Variants in ENOX1 observed in about 807,000 individuals in gnomAD.
ENOX1 encodes ecto-NOX disulfide-thiol exchanger 1.
Under a neutral mutation model 82.5 loss-of-function variants are expected in ENOX1, and 42 were observed. The observed-to-expected ratio is 0.51, with a 90% CI of 0.40 to 0.66. ENOX1 has a LOEUF of 0.66. ENOX1 is among the 30% of genes least tolerant of loss of function. The probability of loss-of-function intolerance (pLI) is 0.00; values close to 1 mark genes in which losing one functional copy is unlikely to be tolerated. For synonymous variants in ENOX1, 271 were observed against 282.2 expected, an observed-to-expected ratio of 0.96 and a Z score of 0.40; for missense variants, 608 against 811.6, an observed-to-expected ratio of 0.75 and a Z score of 3.05.
chr13:43,750,944 T>C lies in ENOX1; in HGVS notation c.-285+35708A>G, dbSNP rs191484310. 6.3e-3 allele frequency among the ~76,000 whole-genome samples: 962 copies of C among 152,346 alleles called. 12 individuals are homozygous for C. The highest frequency in any genetic ancestry group is 0.022 in the African/African-American group (911 of 41,588). On this transcript the variant is annotated intron_variant, in intron 1 of 16. Transcript: ENST00000690772. ...ATCTTCCTGGAACACAAACGTGGCCTGTTACTCCTCAGATTAGACACCTTC... is the reference window on the plus strand; with the variant it reads ...ATCTTCCTGGAACACAAACGTGGCCCGTTACTCCTCAGATTAGACACCTTC...
At chr13:43,431,876 CA>C (rs2055691023) in intron 3 of ENOX1, among the ~76,000 whole-genome samples, 1 of 152,166 alleles carries the variant, frequency 6.6e-6, no homozygotes, top group African/African-American at 2.4e-5. Context: ...GCAAACCAAC[CA>C]ATCCAGATCC....
rs552164442 is a variant in ENOX1 at position 43,377,024 on chromosome 13, GC to G, written c.209-15573del. 1.2e-4 allele frequency among the ~76,000 whole-genome samples: 19 copies of G among 152,226 alleles called. 1 individual carries two copies. In the South Asian group the frequency reaches 3.9e-3, roughly 32 times the overall value. On this transcript the variant is annotated intron_variant, in intron 5 of 16. Coordinates refer to ENST00000690772, the MANE Select transcript of ENOX1 (RefSeq NM_001347969.2). ...GGTTTTCTTAGCTATGATGTTCACT[GC>G]CCAATTTTTCCTTTTGTCCCTGCTA...
chr13:43,424,345 A>C (rs2055160518), intron 3 of ENOX1, among the ~76,000 whole-genome samples: 1 of 152,224 alleles, frequency 6.6e-6, no homozygotes, highest in Non-Finnish European at 1.5e-5. Context: ...AAAGTGGAAC[A>C]TTTTAATTGT....
intron 3 of ENOX1, among the ~76,000 whole-genome samples, chr13:43,447,929 G>A (rs79366218): frequency 9.9e-5 from 15 of 152,276 alleles, no homozygotes; most frequent in African/African-American, 3.4e-4. Flanking sequence ...CTTTAATTGA[G>A]CAGAAAAGCA....
At chr13:43,282,997 C>T (rs930158441) in intron 12 of ENOX1, among the ~76,000 whole-genome samples, 52 of 151,704 alleles carry the variant, frequency 3.4e-4, no homozygotes, top group Non-Finnish European at 5.6e-4. Flanking sequence ...GCAGGAGAAT[C>T]GCTTGAACCC....
intron 2 of ENOX1, among the ~76,000 whole-genome samples, chr13:43,506,553 A>G (rs2077173762): frequency 1.5e-5 from 2 of 136,360 alleles, no homozygotes; most frequent in South Asian, 4.5e-4. Context: ...TTATTGTGGC[A>G]CTATTCACAA....
chr13:43,770,653 ATTTAC>A (rs1318038438), intron 1 of ENOX1, among the ~76,000 whole-genome samples: 2 of 151,222 alleles, frequency 1.3e-5, no homozygotes, highest in South Asian at 2.1e-4. Flanking sequence ...AATCTCATTT[ATTTAC>A]TTTATCTGCA....
At chr13:43,590,496 C>T (rs997264076) in intron 2 of ENOX1, among the ~76,000 whole-genome samples, 5 of 151,864 alleles carry the variant, frequency 3.3e-5, no homozygotes, top group African/African-American at 4.8e-5. Flanking sequence ...AAAAATGGGC[C>T]GGGTGTGGTG....
chr13:43,591,023 G>T (rs1220855059), intron 2 of ENOX1, among the ~76,000 whole-genome samples: 2 of 152,162 alleles, frequency 1.3e-5, no homozygotes, highest in Non-Finnish European at 2.9e-5. Context: ...AGAGCACAGA[G>T]TATTGAATAC....
At chr13:43,721,409 T>C (rs1246269552) in intron 1 of ENOX1, among the ~76,000 whole-genome samples, 2 of 140,870 alleles carry the variant, frequency 1.4e-5, no homozygotes, top group African/African-American at 2.7e-5. Flanking sequence ...GACGGAGTCT[T>C]GCTCTGTCGC....
chr13:43,444,765 G>A (rs181370226), intron 3 of ENOX1, among the ~76,000 whole-genome samples: 48 of 152,322 alleles, frequency 3.2e-4, no homozygotes, highest in African/African-American at 1.1e-3. Context: ...TACATACAGA[G>A]TCAAGTTGTA....
At chr13:43,294,114 A>G (rs984478608) in intron 12 of ENOX1, among the ~76,000 whole-genome samples, 12 of 152,114 alleles carry the variant, frequency 7.9e-5, no homozygotes, top group African/African-American at 2.2e-4. Flanking sequence ...ACTGCTCCAC[A>G]TGGGCCACTG....
intron 14 of ENOX1, among the ~76,000 whole-genome samples, chr13:43,239,387 C>A (rs563177191): frequency 6.6e-5 from 10 of 152,170 alleles, no homozygotes. Context: ...GTTTTTCTGA[C>A]TCCTCTAGGA....
In ENOX1 at chr13:43,629,384, G is replaced by A. The variant is rs116361654; in HGVS notation, c.-219+38095C>T. ...TATTCCCAGCTTGCTAGCTTCTTCA[G>A]TGTCAAGTCTTGGATATGTAAGATA... On this transcript the variant is annotated intron_variant, in intron 2 of 16. Coordinates refer to ENST00000690772, the MANE Select transcript of ENOX1 (RefSeq NM_001347969.2). 5.9e-3 allele frequency among the ~76,000 whole-genome samples: 893 copies of A among 152,296 alleles called. 15 individuals carry two copies. Among genetic ancestry groups the A allele is most frequent in the African/African-American group, 0.02 (841 of 41,566 alleles).
At chr13:43,676,942 C>T (rs1469350166) in intron 1 of ENOX1, among the ~76,000 whole-genome samples, 2 of 152,042 alleles carry the variant, frequency 1.3e-5, no homozygotes, top group African/African-American at 2.4e-5. Context: ...AATATGCTCT[C>T]AGCACACACA....
At chr13:43,740,230 T>C (rs992265984) in intron 1 of ENOX1, among the ~76,000 whole-genome samples, 4 of 152,082 alleles carry the variant, frequency 2.6e-5, no homozygotes, top group African/African-American at 9.6e-5. Context: ...AGACAAAAGG[T>C]AGTAGGTGTT....
At chr13:43,657,777 G>T (rs1404418001) in intron 2 of ENOX1, among the ~76,000 whole-genome samples, 1 of 152,124 alleles carries the variant, frequency 6.6e-6, no homozygotes, top group Admixed American at 6.5e-5. Flanking sequence ...GTCTTTTACT[G>T]GCATCCAGGC....
chr13:43,337,700 C>A (rs2048793190), intron 9 of ENOX1, among the ~76,000 whole-genome samples: 1 of 152,096 alleles, frequency 6.6e-6, no homozygotes, highest in Admixed American at 6.5e-5. Context: ...TACCTATAAG[C>A]TGTACCTTTA....
In ENOX1 at chr13:43,519,785, C is replaced by G. The variant is rs77078024; in HGVS notation, c.-218-35633G>C. Among the ~76,000 whole-genome samples the G allele has an allele frequency of 1.0e-3, 158 of 152,256 alleles. 1 individual carries two copies. The highest frequency in any genetic ancestry group is 3.6e-3 in the African/African-American group (150 of 41,564). On this transcript the variant is annotated intron_variant, in intron 2 of 16. Coordinates refer to ENST00000690772, the MANE Select transcript of ENOX1 (RefSeq NM_001347969.2). ...ATCCTCTCTGACTTACCCCGTGAAG[C>G]CTGAAATGTCTTGTGCCATAAGCAA...
Sources: gnomAD v4.1 joint callset for allele counts (sites outside exome capture counted in the v4.1 genomes callset) on GRCh38, gnomAD v4.1.1 for gene constraint, MANE v1.5 for transcripts, NCBI Gene and HGNC (gene_info 2026-07-23, HGNC 2026-07-21) for gene names.